Variants in MPHOSPH8 observed in about 807,000 individuals in gnomAD.
MPHOSPH8 encodes M-phase phosphoprotein, mpp.
In MPHOSPH8, 45 loss-of-function variants were observed where a neutral mutation model predicts 87.3. The ratio of observed to expected loss-of-function variants is 0.52; its 90% CI spans 0.41 to 0.66. MPHOSPH8 has a LOEUF of 0.66. Ranked by LOEUF, MPHOSPH8 falls within the 30% of genes least tolerant of loss-of-function variation. The pLI, the probability that MPHOSPH8 is intolerant of heterozygous loss-of-function variation, is 0.00. For missense variants in MPHOSPH8, 883 were observed against 1,020.2 expected (o/e 0.87, Z 1.83); for synonymous variants, 366 against 376.9 (o/e 0.97, Z 0.33).
intron 4 of MPHOSPH8, among the ~76,000 whole-genome samples, chr13:19,649,738 A>G (rs183082757): frequency 4.6e-4 from 70 of 152,310 alleles, no homozygotes; most frequent in African/African-American, 1.3e-3. Context: ...GGCCTTTGTC[A>G]CAACTGCAGG....
At chr13:19,638,754 G>C (rs570669619) in intron 1 of MPHOSPH8, among the ~76,000 whole-genome samples, 9 of 152,234 alleles carry the variant, frequency 5.9e-5, no homozygotes, top group African/African-American at 2.2e-4. Flanking sequence ...GGGTAAAATG[G>C]GTGGGGAGCA....
chr13:19,664,854 A>T (rs1875729146), intron 9 of MPHOSPH8, among the ~76,000 whole-genome samples: 1 of 152,090 alleles, frequency 6.6e-6, no homozygotes, highest in South Asian at 2.1e-4. Flanking sequence ...GTTGCTGTCC[A>T]GCTCTGCAAC....
At chr13:19,641,659 A>AT (rs201096456) in intron 1 of MPHOSPH8, among the ~76,000 whole-genome samples, 3,332 of 151,672 alleles carry the variant, frequency 0.022, 96 homozygotes, top group South Asian at 0.098. Flanking sequence ...CACCCAGCTA[A>AT]TTTTTTTGTG....
Position 19,672,191 on chromosome 13 carries a change from C to G in MPHOSPH8, c.*316C>G. ...CGGAGTTTCGCTCTTGTTGCCCAGG[C>G]TGGAGTGCAATGGTGCGATCTCGGC... is the stretch of plus-strand genomic sequence containing the variant. On this transcript the variant is annotated 3_prime_UTR_variant, in exon 14 of 14. Coordinates refer to ENST00000361479, the MANE Select transcript of MPHOSPH8 (RefSeq NM_017520.4). 3.7e-6 allele frequency: 1 copy of G among 271,148 alleles called. No individual in the cohort carries two copies. Among genetic ancestry groups the G allele is most frequent in the East Asian group, 7.4e-5 (1 of 13,502 alleles). The allele number at this position is 271,148 out of a possible 1,614,324, so 16.8% of individuals were successfully genotyped here. A position where few individuals can be genotyped will look rare whatever the true frequency, so the allele number is the denominator to read the frequency against.
chr13:19,647,905 C>G (rs1226031620), intron 3 of MPHOSPH8, among the ~76,000 whole-genome samples: 4 of 151,974 alleles, frequency 2.6e-5, no homozygotes, highest in Non-Finnish European at 5.9e-5. Flanking sequence ...GCTGTGCATA[C>G]ATAGTTATTT....
At chr13:19,655,020 A>C (rs1173132641) in intron 5 of MPHOSPH8, among the ~76,000 whole-genome samples, 1 of 152,176 alleles carries the variant, frequency 6.6e-6, no homozygotes, top group East Asian at 1.9e-4. Flanking sequence ...ACAAAATATT[A>C]GCAAATTTAA....
intron 13 of MPHOSPH8, among the ~76,000 whole-genome samples, 191 bp from the exon 14 acceptor site, chr13:19,671,643 T>C (rs891475446): frequency 6.6e-6 from 1 of 152,196 alleles, no homozygotes; most frequent in Non-Finnish European, 1.5e-5. Context: ...AATAAAACAG[T>C]AATATAAAAT....
chr13:19,648,851 T>C (rs925059065), intron 4 of MPHOSPH8, among the ~76,000 whole-genome samples: 4 of 152,072 alleles, frequency 2.6e-5, no homozygotes, highest in African/African-American at 9.7e-5. Flanking sequence ...AGAAAATCCA[T>C]TATATATATA....
chr13:19,666,940 TC>T (rs1469256144), intron 10 of MPHOSPH8, among the ~76,000 whole-genome samples: 4 of 152,088 alleles, frequency 2.6e-5, no homozygotes, highest in Non-Finnish European at 5.9e-5. Context: ...GGCGGGTGGA[TC>T]ACTTAAGGTC....
intron 11 of MPHOSPH8, among the ~76,000 whole-genome samples, chr13:19,668,909 G>A (rs896176619): frequency 5.3e-5 from 8 of 152,192 alleles, no homozygotes; most frequent in African/African-American, 1.9e-4. Context: ...AGTGGAAAGA[G>A]ATGGAGAAGC....
At chr13:19,667,301 C>T (rs1244323909) in intron 10 of MPHOSPH8, among the ~76,000 whole-genome samples, 2 of 152,172 alleles carry the variant, frequency 1.3e-5, no homozygotes, top group Non-Finnish European at 2.9e-5. Flanking sequence ...CGCCATCCTC[C>T]CCGACTGTCG....
chr13:19,633,949 G>A lies in MPHOSPH8; in HGVS notation c.201G>A (p.Met67Ile), dbSNP rs760187859. The change falls in exon 1 of 14, where the codon ATG becomes ATA. Residue 67 changes from methionine (M) to isoleucine (I), a missense_variant. This residue lies in a region of MPHOSPH8 where 103 missense variants were observed against 96.3 expected (regional missense o/e 1.07). Coordinates refer to ENST00000361479, the MANE Select transcript of MPHOSPH8 (RefSeq NM_017520.4). ...TCGAGGTGGAGAAGATCCTGGACATGAAGACCGAGGGGGTATGTGGAGGGG... is the reference window on the plus strand; with the variant it reads ...TCGAGGTGGAGAAGATCCTGGACATAAAGACCGAGGGGGTATGTGGAGGGG... ...DVFEVEKILD[M>I]KTEGGKVLYK... 1.2e-6 allele frequency: 2 copies of A among 1,608,578 alleles called. No homozygotes were observed. Among genetic ancestry groups the A allele is most frequent in the Middle Eastern group, 1.7e-4 (1 of 6,056 alleles).
At chr13:19,635,872 A>G (rs61953063) in intron 1 of MPHOSPH8, among the ~76,000 whole-genome samples, 2,492 of 152,280 alleles carry the variant, frequency 0.016, 32 homozygotes, top group Non-Finnish European at 0.026. Flanking sequence ...AGGTGGAGGT[A>G]GGATCGTGGG....
chr13:19,659,025 T>G lies in MPHOSPH8; in HGVS notation c.1607T>G (p.Met536Arg). Residue 536 changes from methionine to arginine, a missense_variant, in exon 6 of 14, where the codon ATG (methionine) becomes AGG (arginine). This residue lies in a region of MPHOSPH8 where 741 missense variants were observed against 841.5 expected (regional missense o/e 0.88). Coordinates refer to ENST00000361479, the MANE Select transcript of MPHOSPH8 (RefSeq NM_017520.4). ...AGGCAGCAGATTCTGAGTTTGGGCA[T>G]GGACCTGCAGTTGGAATGGATGAAG... ...DGRQQILSLG[M>R]DLQLEWMKLE... The G allele has an allele frequency of 6.2e-7, 1 of 1,614,116 alleles. No individual in the cohort carries two copies. The highest frequency in any genetic ancestry group is 1.1e-5 in the South Asian group (1 of 91,034).
chr13:19,663,867 C>A (rs982564551), intron 9 of MPHOSPH8, among the ~76,000 whole-genome samples: 12 of 152,176 alleles, frequency 7.9e-5, no homozygotes, highest in African/African-American at 2.9e-4. Context: ...AGCGCCCATT[C>A]CAGCCGCTGT....
chr13:19,654,939 A>G (rs1875068604), intron 5 of MPHOSPH8, among the ~76,000 whole-genome samples: 1 of 151,790 alleles, frequency 6.6e-6, no homozygotes, highest in Non-Finnish European at 1.5e-5. Flanking sequence ...CAAGAACGAC[A>G]CACCATCTCA....
chr13:19,658,518 T>C (rs59022648), intron 5 of MPHOSPH8, among the ~76,000 whole-genome samples: 16,237 of 152,108 alleles, frequency 0.11, 1,064 homozygotes, highest in African/African-American at 0.18. Flanking sequence ...GGCTTCCAGA[T>C]GTAGGGGCCT....
chr13:19,653,744 G>T (rs1874988846), intron 5 of MPHOSPH8, among the ~76,000 whole-genome samples: 1 of 152,138 alleles, frequency 6.6e-6, no homozygotes, highest in South Asian at 2.1e-4. Context: ...AACACAGCAC[G>T]AGAACTTCAT....
rs774609035 is a variant in MPHOSPH8, at chr13:19,646,949, C to T, written c.876C>T (p.Asn292=). The T allele has an allele frequency of 1.3e-6, 2 of 1,592,638 alleles. No homozygotes were observed. Among genetic ancestry groups the T allele is most frequent in the African/African-American group, 1.4e-5 (1 of 73,256 alleles). Residue 292 remains asparagine (N), a synonymous_variant, in exon 3 of 14, where the codon AAC becomes AAT. Coordinates refer to ENST00000361479, the MANE Select transcript of MPHOSPH8 (RefSeq NM_017520.4). ...LHSDSREEKQ[N]TKSARERAGQ... ...CCGACAGCAGAGAAGAGAAACAAAA[C>T]ACTAAAAGTGCAAGAGAGAGAGCAG...
Sources: allele counts gnomAD v4.1 joint callset (sites outside exome capture counted in the v4.1 genomes callset), GRCh38; gene constraint gnomAD v4.1.1; regional missense constraint gnomAD v4.1.1; transcripts MANE v1.5; gene names NCBI Gene and HGNC (gene_info 2026-07-23, HGNC 2026-07-21).